The following HIP1 variants were observed in gnomAD, a reference collection of about 807,000 sequenced individuals.
The protein encoded by HIP1 is huntingtin-interacting protein 1.
HIP1 carries 65 observed loss-of-function variants against 147.6 expected under a neutral mutation model. The ratio of observed to expected loss-of-function variants is 0.44; its 90% CI spans 0.36 to 0.54. HIP1 has a LOEUF of 0.54. HIP1 is among the 20% of genes least tolerant of loss of function. The pLI is 0.00. For synonymous variants in HIP1, 479 were observed against 504.0 expected, an observed-to-expected ratio of 0.95 and a Z score of 0.67; for missense variants, 1,061 against 1,299.6, an observed-to-expected ratio of 0.82 and a Z score of 2.82.
At chr7:75,543,624 A>G (rs1334475343) in intron 27 of HIP1, among the ~76,000 whole-genome samples, 1 of 152,190 alleles carries the variant, frequency 6.6e-6, no homozygotes, top group East Asian at 1.9e-4. Context: ...GGAGCGAGCC[A>G]TCGTGCCCGG....
chr7:75,709,363 T>G (rs1215425814), intron 1 of HIP1, among the ~76,000 whole-genome samples: 1 of 152,168 alleles, frequency 6.6e-6, no homozygotes, highest in Non-Finnish European at 1.5e-5. Context: ...TCCTCCCACC[T>G]AGGCCTCCCA....
intron 1 of HIP1, among the ~76,000 whole-genome samples, chr7:75,656,340 G>A (rs2117200002): frequency 6.6e-6 from 1 of 151,294 alleles, no homozygotes; most frequent in Middle Eastern, 3.4e-3. Context: ...CTATTCAGAT[G>A]GTACCAAACA....
intron 1 of HIP1, among the ~76,000 whole-genome samples, chr7:75,735,183 C>A (rs1365035129): frequency 6.6e-6 from 1 of 152,148 alleles, no homozygotes; most frequent in African/African-American, 2.4e-5. Flanking sequence ...AGACAACTTC[C>A]CAGAGACCAC....
chr7:75,700,733 T>A (rs2240136), intron 1 of HIP1, among the ~76,000 whole-genome samples: 82,578 of 149,542 alleles, frequency 0.55, 23,418 homozygotes, highest in African/African-American at 0.68. Context: ...TGAGACGGAG[T>A]CTTGCTCTGT....
chr7:75,549,923 G>A (rs774468206), intron 22 of HIP1, among the ~76,000 whole-genome samples: 67 of 150,856 alleles, frequency 4.4e-4, no homozygotes, highest in South Asian at 1.3e-3. Flanking sequence ...TGATCCTCCT[G>A]TCTTGGCTTC....
rs1795965130 is a variant in HIP1, at chr7:75,579,584, G to A, written c.604+1653C>T. ...TAGGATTACAGGCATGAGCCACTGTGCCTGGCCTGTTTCTGGTGTTTTTCT... is the reference window on the plus strand; with the variant it reads ...TAGGATTACAGGCATGAGCCACTGTACCTGGCCTGTTTCTGGTGTTTTTCT... On this transcript the variant is annotated intron_variant, in intron 7 of 30. Transcript: ENST00000336926. Among the ~76,000 whole-genome samples, 4 of 152,160 alleles carry A rather than the reference G, an allele frequency of 2.6e-5. No homozygotes were observed. The South Asian group carries it at 8.3e-4, about 31-fold the overall frequency.
intron 1 of HIP1, among the ~76,000 whole-genome samples, chr7:75,737,041 C>T (rs1802043675): frequency 6.6e-6 from 1 of 151,854 alleles, no homozygotes; most frequent in Admixed American, 6.6e-5. Context: ...CATGCCTCAG[C>T]CTCTCAAACA....
intron 1 of HIP1, among the ~76,000 whole-genome samples, chr7:75,622,652 A>G (rs1218101551): frequency 6.6e-6 from 1 of 152,150 alleles, no homozygotes; most frequent in African/African-American, 2.4e-5. Context: ...GGGGGAAGCC[A>G]GGAGACTGTG....
intron 1 of HIP1, among the ~76,000 whole-genome samples, chr7:75,682,705 A>G (rs1800131667): frequency 6.6e-6 from 1 of 152,202 alleles, no homozygotes; most frequent in Non-Finnish European, 1.5e-5. Context: ...GCTTAAAAAA[A>G]GCACTGATAG....
chr7:75,722,486 C>G (rs75933323), intron 1 of HIP1, among the ~76,000 whole-genome samples: 2 of 152,178 alleles, frequency 1.3e-5, no homozygotes, highest in East Asian at 1.9e-4. Context: ...AGAAGTAAGA[C>G]TTCCCGATTC....
intron 1 of HIP1, among the ~76,000 whole-genome samples, chr7:75,723,852 C>T (rs1554522019): frequency 6.6e-6 from 1 of 152,014 alleles, no homozygotes; most frequent in Non-Finnish European, 1.5e-5. Flanking sequence ...GGTCCTTCTG[C>T]AATCCTCCCA....
At chr7:75,676,963 G>A (rs1351356202) in intron 1 of HIP1, among the ~76,000 whole-genome samples, 5 of 151,788 alleles carry the variant, frequency 3.3e-5, no homozygotes, top group African/African-American at 1.2e-4. Context: ...GGGAGGCCAA[G>A]GCAGGCGGAT....
At chr7:75,587,021 G>C (rs1377829388) in intron 4 of HIP1, among the ~76,000 whole-genome samples, 188 bp from the exon 5 acceptor site, 1 of 151,964 alleles carries the variant, frequency 6.6e-6, no homozygotes, top group East Asian at 1.9e-4. Context: ...GCTCACTGCA[G>C]CCTCCACCTC....
At chr7:75,659,292 G>C (rs1799232244) in intron 1 of HIP1, among the ~76,000 whole-genome samples, 1 of 152,178 alleles carries the variant, frequency 6.6e-6, no homozygotes, top group Non-Finnish European at 1.5e-5. Flanking sequence ...AGTAAGGGGA[G>C]GGAATGCCCA....
rs149128119 is a variant in HIP1, at chr7:75,547,751, C to A, written c.2465+4G>T. ...CTAGGTCCCACCATGCCGCTCAGAC[C>A]GACCTTTCATTCACCTCCAATTTGA... On this transcript the variant is annotated splice_donor_region_variant and intron_variant, in intron 24 of 30. Coordinates refer to ENST00000336926, the MANE Select transcript of HIP1 (RefSeq NM_005338.7). 1 of 1,612,888 alleles carries A rather than the reference C, an allele frequency of 6.2e-7. No individual in the cohort carries two copies. Among genetic ancestry groups the A allele is most frequent in the Non-Finnish European group, 8.5e-7 (1 of 1,178,954 alleles).
chr7:75,555,536 G>A lies in HIP1; in HGVS notation c.1843C>T (p.Leu615Phe), dbSNP rs138232224. 486 of 1,614,216 alleles carry A rather than the reference G, an allele frequency of 3.0e-4. No individual in the cohort carries two copies. The highest frequency in any genetic ancestry group is 3.8e-4 in the Non-Finnish European group (452 of 1,180,038). ...AGCATTTTTCGTTGGTCTTTGGCAAGCTGGCACATAGATTCCTAAAAATGG... is the reference window on the plus strand; with the variant it reads ...AGCATTTTTCGTTGGTCTTTGGCAAACTGGCACATAGATTCCTAAAAATGG... The part of the protein sequence containing the change: ...LASTEESMCQ[L>F]AKDQRKMLLV... Residue 615 changes from leucine to phenylalanine, a missense_variant, in exon 19 of 31, where the codon CTT becomes TTT. By Grantham distance (22) the Leu-to-Phe change is conservative. Coordinates refer to ENST00000336926, the MANE Select transcript of HIP1 (RefSeq NM_005338.7).
chr7:75,636,455 A>G (rs1798432768), intron 1 of HIP1, among the ~76,000 whole-genome samples: 1 of 152,208 alleles, frequency 6.6e-6, no homozygotes, highest in Non-Finnish European at 1.5e-5. Context: ...GACTCTGTCA[A>G]GGATGTTCCT....
At chr7:75,605,901 G>A (rs34006474) in intron 1 of HIP1, among the ~76,000 whole-genome samples, 2,869 of 152,264 alleles carry the variant, frequency 0.019, 37 homozygotes, top group Middle Eastern at 0.031. Context: ...CCAGGCTGGA[G>A]TGCAGTGGTG....
In HIP1 at chr7:75,557,905, C is replaced by G. The variant is rs1054703537; in HGVS notation, c.1465-135G>C. The G allele has an allele frequency of 1.0e-4, 71 of 712,388 alleles. No homozygotes were observed. In the Admixed American group the frequency reaches 1.6e-3, roughly 16 times the overall value. 44.1% of individuals were successfully genotyped at this position (712,388 alleles called of 1,614,324 possible). On this transcript the variant is annotated intron_variant, in intron 15 of 30. Transcript: ENST00000336926. ...ATCACTTTCCTACCCACAGCCGGAACAGAGCCATCACCTTCAGATGCTTGA... is the reference window on the plus strand; with the variant it reads ...ATCACTTTCCTACCCACAGCCGGAAGAGAGCCATCACCTTCAGATGCTTGA...
Sources: gnomAD v4.1 joint callset for allele counts (sites outside exome capture counted in the v4.1 genomes callset) on GRCh38, gnomAD v4.1.1 for gene constraint, MANE v1.5 for transcripts, NCBI Gene and HGNC (gene_info 2026-07-23, HGNC 2026-07-21) for gene names.